DNAAF6: variants seen among roughly 807,000 people sequenced by gnomAD.
DNAAF6 encodes the protein dynein axonemal assembly factor 6.
Under a neutral mutation model 13.7 loss-of-function variants are expected in DNAAF6, and 3 were observed. That is an observed-to-expected ratio of 0.22 (90% CI 0.10 to 0.56). The LOEUF (loss-of-function observed/expected upper bound fraction) is 0.56. Among genes scored for constraint, DNAAF6 ranks in the 20% least tolerant of loss-of-function variants. The pLI is 0.92. For missense variants in DNAAF6, 130 were observed against 151.0 expected, an observed-to-expected ratio of 0.86 and a Z score of 0.73; for synonymous variants, 54 against 49.2, an observed-to-expected ratio of 1.10 and a Z score of -0.41.
chrX:107,215,433 A>G (rs1214013481), intron 2 of DNAAF6, among the ~76,000 whole-genome samples: 1 of 110,904 alleles, frequency 9.0e-6, no homozygotes. Flanking sequence ...ACACATTTAC[A>G]TGACATTAGT....
intron 5 of DNAAF6, among the ~76,000 whole-genome samples, chrX:107,234,037 T>C (rs779956704): frequency 1.8e-5 from 2 of 111,394 alleles, no homozygotes; most frequent in African/African-American, 6.5e-5. Flanking sequence ...TATGATTATT[T>C]TGGGGGAGAG....
chrX:107,214,718 T>G (rs185112769), intron 2 of DNAAF6, among the ~76,000 whole-genome samples: 1 of 112,209 alleles, frequency 8.9e-6, no homozygotes, highest in East Asian at 2.8e-4. Flanking sequence ...TAATTAATGT[T>G]TCTAATGAAC....
rs1208787059 is a variant in DNAAF6, at chrX:107,238,953, C to T, written c.461C>T (p.Ser154Phe). 1 of 1,208,632 alleles carries T rather than the reference C, an allele frequency of 8.3e-7. No individual in the cohort carries two copies. The highest frequency in any genetic ancestry group is 1.1e-6 in the Non-Finnish European group (1 of 894,700). The change falls in exon 6 of 7, where the codon TCT (serine) becomes TTT (phenylalanine). Residue 154 changes from serine (S) to phenylalanine (F), a missense_variant. Coordinates refer to ENST00000372453, the MANE Select transcript of DNAAF6 (RefSeq NM_173494.2). ...ATTAAATTGCCAAATACAAACCCTT[C>T]TGATATTCAAATTGATATCCAGGAA... is the stretch of plus-strand genomic sequence containing the variant. Reference protein sequence around the residue: ...AKIKLPNTNPSDIQIDIQETI... With the variant: ...AKIKLPNTNPFDIQIDIQETI...
chrX:107,210,667 C>T (rs1927835541), intron 1 of DNAAF6, among the ~76,000 whole-genome samples: 1 of 110,686 alleles, frequency 9.0e-6, no homozygotes, highest in Non-Finnish European at 1.9e-5. Flanking sequence ...GACCCGTGAG[C>T]TCACCTTGGC....
chrX:107,226,199 T>C (rs6622185), intron 5 of DNAAF6, among the ~76,000 whole-genome samples: 26,372 of 111,241 alleles, frequency 0.24, 2,543 homozygotes, highest in East Asian at 0.47. Context: ...TCATATACAT[T>C]AATGGAAGAA....
Position 107,222,794 on chromosome X carries a change from G to T in DNAAF6, c.382G>T (p.Gly128Trp), listed in dbSNP as rs775811861. 1 of 1,205,889 alleles carries T rather than the reference G, an allele frequency of 8.3e-7. No individual in the cohort carries two copies. The highest frequency in any genetic ancestry group is 1.1e-6 in the Non-Finnish European group (1 of 892,951). The change falls in exon 5 of 7, where the codon GGG becomes TGG. Residue 128 changes from glycine (G) to tryptophan (W), a missense_variant. By Grantham distance (184) the Gly-to-Trp change is radical. Transcript: ENST00000372453. ...GGTGGGAACTGAAGATATATTTTTAGGGTTGTCAAAAAAGGACTCCTCAAC... is the reference window on the plus strand; with the variant it reads ...GGTGGGAACTGAAGATATATTTTTATGGTTGTCAAAAAAGGACTCCTCAAC... ...QQVGTEDIFL[G>W]LSKKDSSTGC...
intron 5 of DNAAF6, among the ~76,000 whole-genome samples, chrX:107,233,815 A>G (rs1009483439): frequency 5.4e-5 from 6 of 111,661 alleles, no homozygotes; most frequent in Non-Finnish European, 1.1e-4. Flanking sequence ...GGGATGATGT[A>G]CTATGTATTC....
At chrX:107,213,050 G>T (rs373494673) in intron 2 of DNAAF6, 22 bp downstream of exon 2, 1 of 1,157,674 alleles carries the variant, frequency 8.6e-7, no homozygotes, top group South Asian at 2.1e-5. Flanking sequence ...CTTAACAGTT[G>T]AATTAGTTTT....
At position 107,229,725 on chromosome X, in the gene DNAAF6, T is replaced by A. The variant is rs190827591; in HGVS notation, c.429+6884T>A. Among the ~76,000 whole-genome samples, 7 of 111,214 alleles carry A rather than the reference T, an allele frequency of 6.3e-5. No homozygotes were observed. The East Asian group carries it at 1.7e-3, about 27-fold the overall frequency. ...TATAACTCTTTTAACTCTCGCTCTG[T>A]CACCCAGGCTGGAGTGCAGTAGCGC... is the stretch of plus-strand genomic sequence containing the variant. On this transcript the variant is annotated intron_variant, in intron 5 of 6. Coordinates refer to ENST00000372453, the MANE Select transcript of DNAAF6 (RefSeq NM_173494.2).
chrX:107,210,171 A>C (rs895516766), intron 1 of DNAAF6, among the ~76,000 whole-genome samples: 6 of 111,675 alleles, frequency 5.4e-5, no homozygotes, highest in Admixed American at 1.9e-4. Flanking sequence ...TCTGTCTGGA[A>C]AATGTTGCCA....
chrX:107,210,337 T>G (rs1303526192), intron 1 of DNAAF6, among the ~76,000 whole-genome samples: 1 of 112,311 alleles, frequency 8.9e-6, no homozygotes, highest in Non-Finnish European at 1.9e-5. Context: ...TCTTGGCCTA[T>G]TTAAGTGACA....
intron 5 of DNAAF6, among the ~76,000 whole-genome samples, chrX:107,229,878 G>A (rs1431590670): frequency 7.3e-5 from 8 of 109,681 alleles, no homozygotes; most frequent in African/African-American, 2.3e-4. Context: ...TAGTAGAGAC[G>A]GGGTTTCACC....
chrX:107,229,845 G>A (rs1928346730), intron 5 of DNAAF6, among the ~76,000 whole-genome samples: 1 of 109,784 alleles, frequency 9.1e-6, no homozygotes, highest in Non-Finnish European at 1.9e-5. Flanking sequence ...CCCCCACCAC[G>A]CCCGGCTAAT....
At chrX:107,238,778 T>C (rs1322822527) in intron 5 of DNAAF6, 144 bp from the exon 6 acceptor site, 4 of 986,966 alleles carry the variant, frequency 4.1e-6, no homozygotes, top group Middle Eastern at 4.0e-4. Context: ...TAATCTCTGC[T>C]GCTCAAGATT....
chrX:107,234,721 A>G (rs1230681246), intron 5 of DNAAF6, among the ~76,000 whole-genome samples: 1 of 111,963 alleles, frequency 8.9e-6, no homozygotes. Context: ...ATCAGTAAAT[A>G]GTGCTGGTCA....
chrX:107,209,594 G>T lies in DNAAF6; in HGVS notation c.-4+2904G>T, dbSNP rs769009002. 3.6e-4 allele frequency among the ~76,000 whole-genome samples: 40 copies of T among 111,169 alleles called. No homozygotes were observed. The East Asian group carries it at 7.1e-3, about 20-fold the overall frequency. On this transcript the variant is annotated intron_variant, in intron 1 of 6. Transcript: ENST00000372453. ...ATTACAGGCGCCCGCCATCATGCCC[G>T]GCTAATTTTTGTGTTTTTTAGTAGA...
chrX:107,216,714 T>C lies in DNAAF6; in HGVS notation c.197T>C (p.Ile66Thr), dbSNP rs1602679526. The change falls in exon 3 of 7, where the codon ATT becomes ACT. Residue 66 changes from isoleucine (I) to threonine (T), a missense_variant. Ile to Thr is a moderately conservative substitution (Grantham distance 89, BLOSUM62 -1). Coordinates refer to ENST00000372453, the MANE Select transcript of DNAAF6 (RefSeq NM_173494.2). ...ATTGGAGCCATGGGTCCTGGGAATATTGGACCACCCCAAATAGAAGAGCTC... is the reference window on the plus strand; with the variant it reads ...ATTGGAGCCATGGGTCCTGGGAATACTGGACCACCCCAAATAGAAGAGCTC... Reference protein sequence around the residue: ...STIGAMGPGNIGPPQIEELKV... With the variant: ...STIGAMGPGNTGPPQIEELKV... 8.3e-7 allele frequency: 1 copy of C among 1,201,683 alleles called. No individual in the cohort carries two copies. The highest frequency in any genetic ancestry group is 1.1e-6 in the Non-Finnish European group (1 of 888,191).
At chrX:107,211,329 A>T (rs925889107) in intron 1 of DNAAF6, among the ~76,000 whole-genome samples, 3 of 111,931 alleles carry the variant, frequency 2.7e-5, no homozygotes, top group African/African-American at 9.7e-5. Flanking sequence ...GTCATGATTG[A>T]TTTATTTATT....
At chrX:107,235,940 A>G (rs1183336944) in intron 5 of DNAAF6, among the ~76,000 whole-genome samples, 2 of 106,741 alleles carry the variant, frequency 1.9e-5, no homozygotes, top group East Asian at 6.2e-4. Flanking sequence ...CAGCCCGAGC[A>G]ATATAGCAAG....
Sources: allele counts gnomAD v4.1 joint callset (sites outside exome capture counted in the v4.1 genomes callset), GRCh38; gene constraint gnomAD v4.1.1; transcripts MANE v1.5; gene names NCBI Gene and HGNC (gene_info 2026-07-23, HGNC 2026-07-21).